The following MMP16 variants were observed in gnomAD, a reference collection of about 807,000 sequenced individuals.
MMP16 encodes the protein matrix metallopeptidase 16.
A neutral mutation model predicts 67.8 loss-of-function variants in MMP16; 12 were observed. The ratio of observed to expected loss-of-function variants is 0.18; its 90% CI spans 0.11 to 0.29. The LOEUF is 0.29. MMP16 is among the 10% of genes least tolerant of loss of function. The pLI, the probability that MMP16 is intolerant of heterozygous loss-of-function variation, is 1.00. For synonymous variants in MMP16, 249 were observed against 255.9 expected (o/e 0.97, Z 0.26); for missense variants, 475 against 765.7 (o/e 0.62, Z 4.48).
intron 1 of MMP16, among the ~76,000 whole-genome samples, chr8:88,298,847 A>G (rs1457382951): frequency 6.6e-6 from 1 of 152,202 alleles, no homozygotes; most frequent in African/African-American, 2.4e-5. Context: ...TGGTCAGAGT[A>G]CCCAGTTTGA....
At chr8:88,114,913 G>A (rs1358080379) in intron 6 of MMP16, among the ~76,000 whole-genome samples, 1 of 151,848 alleles carries the variant, frequency 6.6e-6, no homozygotes, top group Non-Finnish European at 1.5e-5. Flanking sequence ...ATCAGTTCCT[G>A]ATTTCAGGAA....
intron 1 of MMP16, among the ~76,000 whole-genome samples, chr8:88,251,048 A>G (rs968499537): frequency 2.0e-5 from 3 of 151,274 alleles, no homozygotes. Flanking sequence ...TGTTCTTGCA[A>G]TAGTTTACTG....
chr8:88,158,054 C>G (rs1438983538), intron 4 of MMP16, among the ~76,000 whole-genome samples: 1 of 152,126 alleles, frequency 6.6e-6, no homozygotes, highest in Non-Finnish European at 1.5e-5. Flanking sequence ...GCCCCATTTT[C>G]TTAATCCAGT....
At chr8:88,189,236 T>C (rs777729739) in intron 2 of MMP16, among the ~76,000 whole-genome samples, 12 of 152,200 alleles carry the variant, frequency 7.9e-5, no homozygotes, top group Non-Finnish European at 1.6e-4. Flanking sequence ...AAGACATGTA[T>C]CATTTAAAAA....
intron 6 of MMP16, among the ~76,000 whole-genome samples, chr8:88,094,100 A>G (rs1486052684): frequency 6.6e-6 from 1 of 151,872 alleles, no homozygotes; most frequent in South Asian, 2.1e-4. Context: ...TACATATAAC[A>G]TAACTACATA....
chr8:88,281,126 T>C (rs1477899728), intron 1 of MMP16, among the ~76,000 whole-genome samples: 2 of 152,142 alleles, frequency 1.3e-5, no homozygotes, highest in Non-Finnish European at 2.9e-5. Context: ...AATTCCAAAT[T>C]TTCCCTCACT....
chr8:88,048,045 C>A (rs1302341498), intron 8 of MMP16, among the ~76,000 whole-genome samples: 3 of 152,094 alleles, frequency 2.0e-5, no homozygotes, highest in Non-Finnish European at 4.4e-5. Flanking sequence ...GAATTTTAAG[C>A]CCGATTATCT....
intron 1 of MMP16, among the ~76,000 whole-genome samples, chr8:88,318,991 G>T (rs991088021): frequency 1.3e-5 from 2 of 152,076 alleles, no homozygotes; most frequent in Non-Finnish European, 2.9e-5. Context: ...AAAGGAGACT[G>T]CTTGGCAGTG....
At chr8:88,149,622 G>T (rs1328598127) in intron 4 of MMP16, among the ~76,000 whole-genome samples, 3 of 151,434 alleles carry the variant, frequency 2.0e-5, no homozygotes, top group Admixed American at 2.0e-4. Context: ...ACACGGCAGG[G>T]TATTCCAACA....
intron 1 of MMP16, among the ~76,000 whole-genome samples, chr8:88,322,120 C>A (rs930170877): frequency 2.0e-5 from 3 of 152,004 alleles, no homozygotes; most frequent in Non-Finnish European, 4.4e-5. Context: ...TTGAATCCTA[C>A]CCATATTATG....
intron 3 of MMP16, among the ~76,000 whole-genome samples, chr8:88,177,638 T>A (rs867607470): frequency 2.4e-4 from 37 of 152,228 alleles, no homozygotes; most frequent in African/African-American, 8.7e-4. Flanking sequence ...CCATGAGTAT[T>A]CTATTCTCCA....
intron 4 of MMP16, among the ~76,000 whole-genome samples, chr8:88,163,445 G>T: frequency 6.6e-6 from 1 of 151,886 alleles, no homozygotes; most frequent in East Asian, 1.9e-4. Context: ...CCTTATGTTA[G>T]GCAGTGAACT....
intron 6 of MMP16, among the ~76,000 whole-genome samples, chr8:88,091,627 T>G (rs1403615242): frequency 6.6e-6 from 1 of 151,802 alleles, no homozygotes; most frequent in African/African-American, 2.4e-5. Context: ...AATTAAGAGA[T>G]AGATTCTAGT....
chr8:88,304,207 G>A (rs1811177056), intron 1 of MMP16, among the ~76,000 whole-genome samples: 1 of 152,094 alleles, frequency 6.6e-6, no homozygotes, highest in African/African-American at 2.4e-5. Flanking sequence ...AGAGCTTGAT[G>A]GCTATCTCTC....
intron 1 of MMP16, among the ~76,000 whole-genome samples, chr8:88,215,653 C>A (rs1297393119): frequency 6.6e-6 from 1 of 152,172 alleles, no homozygotes; most frequent in Non-Finnish European, 1.5e-5. Context: ...GGCTCTGAAA[C>A]TAAGTGACCT....
At chr8:88,111,394 T>C (rs1333239334) in intron 6 of MMP16, among the ~76,000 whole-genome samples, 2 of 151,664 alleles carry the variant, frequency 1.3e-5, no homozygotes, top group Admixed American at 6.6e-5. Flanking sequence ...CATACTGCAG[T>C]AGAAATCTGG....
intron 4 of MMP16, among the ~76,000 whole-genome samples, chr8:88,124,429 C>T (rs1807891748): frequency 6.6e-6 from 1 of 151,852 alleles, no homozygotes; most frequent in Non-Finnish European, 1.5e-5. Flanking sequence ...ACCAAAGTTA[C>T]AGAGTAAATA....
At chr8:88,061,341 T>C (rs1388387991) in intron 7 of MMP16, among the ~76,000 whole-genome samples, 1 of 152,122 alleles carries the variant, frequency 6.6e-6, no homozygotes, top group Admixed American at 6.6e-5. Context: ...TGTTGGCCTA[T>C]ACCTCAGTGA....
At chr8:88,265,523 A>T (rs1333334328) in intron 1 of MMP16, among the ~76,000 whole-genome samples, 1 of 152,138 alleles carries the variant, frequency 6.6e-6, no homozygotes, top group Non-Finnish European at 1.5e-5. Context: ...GACAGAGACA[A>T]CCTAGTAAAA....
Sources: gnomAD v4.1 joint callset for allele counts (sites outside exome capture counted in the v4.1 genomes callset) on GRCh38, gnomAD v4.1.1 for gene constraint, MANE v1.5 for transcripts, NCBI Gene and HGNC (gene_info 2026-07-23, HGNC 2026-07-21) for gene names.